Variants in RNF182 observed in about 807,000 individuals in gnomAD.
The protein encoded by RNF182 is E3 ubiquitin-protein ligase RNF182.
Under a neutral mutation model 14.4 loss-of-function variants are expected in RNF182, and 15 were observed. The observed-to-expected ratio is 1.04, with a 90% CI of 0.70 to 1.60. The LOEUF is 1.60. RNF182 is among the 40% of genes most tolerant of loss of function. RNF182 has a pLI of 0.00. For missense variants in RNF182, 268 were observed against 294.8 expected, an observed-to-expected ratio of 0.91 and a Z score of 0.67; for synonymous variants, 128 against 122.9, an observed-to-expected ratio of 1.04 and a Z score of -0.27.
intron 1 of RNF182, among the ~76,000 whole-genome samples, chr6:13,956,274 G>A (rs546036092): frequency 6.7e-6 from 1 of 148,558 alleles, no homozygotes; most frequent in South Asian, 2.1e-4. Flanking sequence ...GCTGCACACT[G>A]TCTCTGCTTT....
intron 1 of RNF182, among the ~76,000 whole-genome samples, chr6:13,950,416 G>A (rs1184690888): frequency 1.3e-5 from 2 of 151,506 alleles, no homozygotes; most frequent in Non-Finnish European, 2.9e-5. Flanking sequence ...ACAGTATTCA[G>A]CTTGCCTAAT....
intron 1 of RNF182, among the ~76,000 whole-genome samples, chr6:13,973,353 A>G (rs1760242795): frequency 1.3e-5 from 2 of 152,154 alleles, no homozygotes; most frequent in African/African-American, 4.8e-5. Flanking sequence ...GAGTTAAGAC[A>G]TTGGGGGACT....
Position 13,978,008 on chromosome 6 carries a change from T to C in RNF182, c.*145T>C. On this transcript the variant is annotated 3_prime_UTR_variant, in exon 3 of 3. Transcript: ENST00000488300. ...CTTGGCCACATGTTGACTTGATTGG[T>C]TTTCCTGTAGGCTGGAAGTAAAAAT... is the stretch of plus-strand genomic sequence containing the variant. The C allele has an allele frequency of 1.1e-6, 1 of 931,966 alleles. No homozygotes were observed. The allele number at this position is 931,966 out of a possible 1,614,324, so 57.7% of individuals were successfully genotyped here.
chr6:13,978,009 T>G lies in RNF182; in HGVS notation c.*146T>G. 1 of 921,858 alleles carries G rather than the reference T, an allele frequency of 1.1e-6. No homozygotes were observed. The highest frequency in any genetic ancestry group is 1.6e-6 in the Non-Finnish European group (1 of 620,630). The allele number at this position is 921,858 out of a possible 1,614,324, so 57.1% of individuals were successfully genotyped here. ...TTGGCCACATGTTGACTTGATTGGT[T>G]TTCCTGTAGGCTGGAAGTAAAAATG... On this transcript the variant is annotated 3_prime_UTR_variant, in exon 3 of 3. Transcript: ENST00000488300.
chr6:13,955,324 GGTTGAAATC>G (rs2113620672), intron 1 of RNF182, among the ~76,000 whole-genome samples: 1 of 152,224 alleles, frequency 6.6e-6, no homozygotes, highest in South Asian at 2.1e-4. Flanking sequence ...TTCCATCATT[GGTTGAAATC>G]CTTCTATAAA....
chr6:13,935,764 T>C (rs1759093636), intron 1 of RNF182, among the ~76,000 whole-genome samples: 1 of 152,204 alleles, frequency 6.6e-6, no homozygotes, highest in South Asian at 2.1e-4. Context: ...TGTTTAAAAA[T>C]AAGACATCTT....
intron 1 of RNF182, among the ~76,000 whole-genome samples, chr6:13,973,621 G>A (rs891593834): frequency 6.6e-6 from 1 of 152,128 alleles, no homozygotes; most frequent in East Asian, 1.9e-4. Flanking sequence ...GGCATTCATT[G>A]TCTCTTGCCT....
chr6:13,951,395 A>G (rs574021852), intron 1 of RNF182, among the ~76,000 whole-genome samples: 41 of 152,274 alleles, frequency 2.7e-4, no homozygotes, highest in Middle Eastern at 6.8e-3. Flanking sequence ...AAAAAGAGAG[A>G]ATTAGCCCAT....
At chr6:13,958,258 C>T (rs977448133) in intron 1 of RNF182, among the ~76,000 whole-genome samples, 3 of 151,898 alleles carry the variant, frequency 2.0e-5, no homozygotes, top group African/African-American at 2.4e-5. Flanking sequence ...TGGTGGTGTG[C>T]GCCTGTAGTC....
At chr6:13,925,869 A>G (rs1010084463) in intron 1 of RNF182, among the ~76,000 whole-genome samples, 11 of 152,186 alleles carry the variant, frequency 7.2e-5, no homozygotes, top group African/African-American at 2.7e-4. Context: ...GGCACTGGAT[A>G]GGTTATAGGT....
At chr6:13,947,235 G>A (rs1405876375) in intron 1 of RNF182, among the ~76,000 whole-genome samples, 4 of 152,154 alleles carry the variant, frequency 2.6e-5, no homozygotes, top group African/African-American at 7.2e-5. Flanking sequence ...ACAGGAATAA[G>A]CAGGGTCAGT....
At chr6:13,963,821 T>C (rs1759942654) in intron 1 of RNF182, among the ~76,000 whole-genome samples, 1 of 152,116 alleles carries the variant, frequency 6.6e-6, no homozygotes, top group African/African-American at 2.4e-5. Flanking sequence ...GTTGATCAGA[T>C]GAAAAGAAGA....
intron 1 of RNF182, among the ~76,000 whole-genome samples, chr6:13,967,874 T>C (rs1391356852): frequency 2.0e-5 from 3 of 152,184 alleles, no homozygotes; most frequent in African/African-American, 7.2e-5. Flanking sequence ...ATTACCTTTA[T>C]ATCAAAGGAG....
chr6:13,968,228 AGT>A (rs1760084688), intron 1 of RNF182, among the ~76,000 whole-genome samples: 1 of 152,218 alleles, frequency 6.6e-6, no homozygotes, highest in African/African-American at 2.4e-5. Flanking sequence ...GAAGACTATA[AGT>A]GAGAAAAGAA....
Position 13,977,798 on chromosome 6 carries a change from A to G in RNF182, c.679A>G (p.Met227Val). The change falls in exon 3 of 3, where the codon ATG becomes GTG. Residue 227 changes from methionine to valine, a missense_variant. By Grantham distance (21) the Met-to-Val change is conservative (BLOSUM62 1). Transcript: ENST00000488300. ...GGTCCCTTCGAGCCTCGTTATTCTT[A>G]TGGTGTATGGTTTTTGCCAGTGTGT... Reference protein sequence around the residue: ...SLVPSSLVILMVYGFCQCVCH... With the variant: ...SLVPSSLVILVVYGFCQCVCH... 6.2e-7 allele frequency: 1 copy of G among 1,614,056 alleles called. No homozygotes were observed. Among genetic ancestry groups the G allele is most frequent in the Non-Finnish European group, 8.5e-7 (1 of 1,179,986 alleles).
At chr6:13,940,867 G>A (rs1759279729) in intron 1 of RNF182, among the ~76,000 whole-genome samples, 1 of 151,796 alleles carries the variant, frequency 6.6e-6, no homozygotes, top group South Asian at 2.1e-4. Context: ...ATTTCCAACG[G>A]TTTAGGATAT....
chr6:13,960,690 TGTGC>T lies in RNF182; in HGVS notation c.-366-13518_-366-13515del, dbSNP rs1156556867. On this transcript the variant is annotated intron_variant, in intron 1 of 2. Transcript: ENST00000488300. Reference sequence around the variant, plus strand: ...GTGTGTGTGTGTGTGTGTGTGTGTGTGTGCGCGCGTGCACATGCATGTGATGTAC... The same window carrying T: ...GTGTGTGTGTGTGTGTGTGTGTGTGTGCGCGTGCACATGCATGTGATGTAC... 6.6e-5 allele frequency among the ~76,000 whole-genome samples: 8 copies of T among 120,524 alleles called. No individual in the cohort carries two copies. The South Asian group carries it at 1.6e-3, about 24-fold the overall frequency. 79.1% of individuals were successfully genotyped at this position (120,524 alleles called of 152,430 possible).
Position 13,978,853 on chromosome 6 carries a change from C to T in RNF182, c.*990C>T, listed in dbSNP as rs1324595226. 2 of 166,896 alleles carry T rather than the reference C, an allele frequency of 1.2e-5. No individual in the cohort carries two copies. Among genetic ancestry groups the T allele is most frequent in the Non-Finnish European group, 2.9e-5 (2 of 68,092 alleles). 10.3% of individuals were successfully genotyped at this position (166,896 alleles called of 1,614,324 possible). On this transcript the variant is annotated 3_prime_UTR_variant, in exon 3 of 3. Transcript: ENST00000488300. ...CGAGGTGAACTGTGGCAATGAAAACCAGAAACAGTTAATGAGATGCTTCAG... is the reference window on the plus strand; with the variant it reads ...CGAGGTGAACTGTGGCAATGAAAACTAGAAACAGTTAATGAGATGCTTCAG...
chr6:13,943,550 C>T (rs280152), intron 1 of RNF182, among the ~76,000 whole-genome samples: 124,457 of 152,086 alleles, frequency 0.82, 51,778 homozygotes, highest in Middle Eastern at 0.91. Context: ...CTTATCTTAC[C>T]GCCTTGGAAC....
Sources: gnomAD v4.1 joint callset for allele counts (sites outside exome capture counted in the v4.1 genomes callset) on GRCh38, gnomAD v4.1.1 for gene constraint, MANE v1.5 for transcripts, NCBI Gene and HGNC (gene_info 2026-07-23, HGNC 2026-07-21) for gene names.